The following WDR70 variants were observed in gnomAD, a reference collection of about 807,000 sequenced individuals.
WDR70 encodes the protein WD repeat-containing protein 70.
A neutral mutation model predicts 88.6 loss-of-function variants in WDR70; 53 were observed. That is an observed-to-expected ratio of 0.60 (90% CI 0.48 to 0.75). The LOEUF (loss-of-function observed/expected upper bound fraction) is 0.75. Ranked by LOEUF, WDR70 falls within the 30% of genes least tolerant of loss-of-function variation. The pLI is 0.00. For synonymous variants in WDR70, 280 were observed against 270.0 expected (o/e 1.04, Z -0.36); for missense variants, 610 against 823.2 (o/e 0.74, Z 3.17).
At chr5:37,603,210 G>A (rs1479531713) in intron 9 of WDR70, among the ~76,000 whole-genome samples, 1 of 150,800 alleles carries the variant, frequency 6.6e-6, no homozygotes, top group Non-Finnish European at 1.5e-5. Flanking sequence ...TAAGCAAAAG[G>A]CAAAAAGCTG....
chr5:37,558,363 G>C (rs1355362050), intron 9 of WDR70, among the ~76,000 whole-genome samples: 1 of 151,948 alleles, frequency 6.6e-6, no homozygotes, highest in South Asian at 2.1e-4. Context: ...TGGTTGCCCA[G>C]TCTGGAATGC....
At chr5:37,670,135 C>T (rs778759677) in intron 10 of WDR70, among the ~76,000 whole-genome samples, 8 of 152,036 alleles carry the variant, frequency 5.3e-5, no homozygotes, top group African/African-American at 7.2e-5. Flanking sequence ...ATACTGAAAA[C>T]GTTGAACTAC....
intron 9 of WDR70, among the ~76,000 whole-genome samples, chr5:37,535,512 G>T (rs896923092): frequency 1.3e-5 from 2 of 152,110 alleles, no homozygotes; most frequent in African/African-American, 4.8e-5. Context: ...CCATTGAAGA[G>T]TACTAAATCT....
intron 10 of WDR70, among the ~76,000 whole-genome samples, chr5:37,692,377 A>G (rs537546522): frequency 5.3e-5 from 8 of 152,352 alleles, no homozygotes; most frequent in Admixed American, 4.6e-4. Context: ...TGAGGCCAGC[A>G]TCATCCTAAT....
At chr5:37,653,149 A>G (rs1288896820) in intron 10 of WDR70, among the ~76,000 whole-genome samples, 3 of 152,176 alleles carry the variant, frequency 2.0e-5, no homozygotes, top group Non-Finnish European at 2.9e-5. Flanking sequence ...TTTAGCATGA[A>G]AGGGTGTTGA....
intron 10 of WDR70, among the ~76,000 whole-genome samples, chr5:37,617,210 G>A (rs1008353160): frequency 3.3e-5 from 5 of 152,106 alleles, no homozygotes; most frequent in South Asian, 2.1e-4. Context: ...TTAACAACTC[G>A]CCCAAGGCCA....
chr5:37,504,018 A>G (rs1466645333), intron 8 of WDR70, among the ~76,000 whole-genome samples: 2 of 152,158 alleles, frequency 1.3e-5, no homozygotes, highest in Non-Finnish European at 2.9e-5. Flanking sequence ...TACCAAACAC[A>G]GATTTTCTCT....
At chr5:37,680,914 T>C (rs1207838082) in intron 10 of WDR70, among the ~76,000 whole-genome samples, 1 of 152,086 alleles carries the variant, frequency 6.6e-6, no homozygotes, top group Non-Finnish European at 1.5e-5. Flanking sequence ...TAGTTTTAAA[T>C]GGCTTTAAAT....
intron 7 of WDR70, among the ~76,000 whole-genome samples, chr5:37,476,845 CT>C (rs1403178312): frequency 6.6e-6 from 1 of 151,806 alleles, no homozygotes; most frequent in Non-Finnish European, 1.5e-5. Flanking sequence ...GCCTTTTCTT[CT>C]TTTTTTAAGA....
At chr5:37,645,570 G>A (rs1745209967) in intron 10 of WDR70, among the ~76,000 whole-genome samples, 1 of 152,022 alleles carries the variant, frequency 6.6e-6, no homozygotes, top group African/African-American at 2.4e-5. Flanking sequence ...TGAAAGTGGG[G>A]TTTTGAAGTT....
chr5:37,600,778 T>G (rs1326877811), intron 9 of WDR70, among the ~76,000 whole-genome samples: 1 of 151,074 alleles, frequency 6.6e-6, no homozygotes, highest in Admixed American at 6.7e-5. Flanking sequence ...GCAAAGAAAC[T>G]AAAACTCACA....
At chr5:37,657,580 A>C (rs1186617027) in intron 10 of WDR70, among the ~76,000 whole-genome samples, 7 of 152,212 alleles carry the variant, frequency 4.6e-5, no homozygotes, top group African/African-American at 1.7e-4. Flanking sequence ...TTTGTACATG[A>C]TGATTTGGAG....
rs553322689 is a variant in WDR70 at position 37,536,579 on chromosome 5, G to A, written c.917+19989G>A. On this transcript the variant is annotated intron_variant, in intron 9 of 17. Transcript: ENST00000265107. ...AGATTTTGGAGGATTTTGGATTTTT[G>A]GATTAGGGATACTCAAACCTGTATT... Among the ~76,000 whole-genome samples, 78 of 152,050 alleles carry A rather than the reference G, an allele frequency of 5.1e-4. 2 individuals are homozygous for A. The South Asian group carries it at 0.016, about 31-fold the overall frequency.
intron 10 of WDR70, among the ~76,000 whole-genome samples, chr5:37,687,672 G>A (rs1432223093): frequency 6.6e-6 from 1 of 151,992 alleles, no homozygotes; most frequent in Non-Finnish European, 1.5e-5. Context: ...ATCACCTGTA[G>A]TCAAAATCCC....
At chr5:37,557,951 A>AAGAGTACTCTTTTGAATACTCTTCAAG (rs1742349484) in intron 9 of WDR70, among the ~76,000 whole-genome samples, 1 of 146,936 alleles carries the variant, frequency 6.8e-6, no homozygotes. Flanking sequence ...TACTCTTCAA[A>AAGAGTACTCTTTTGAATACTCTTCAAG]AGAGTATTAT....
At chr5:37,603,499 A>G (rs559104483) in intron 9 of WDR70, among the ~76,000 whole-genome samples, 1 of 152,368 alleles carries the variant, frequency 6.6e-6, no homozygotes, top group East Asian at 1.9e-4. Flanking sequence ...CTGAAACTGT[A>G]AAACGACTAG....
intron 9 of WDR70, among the ~76,000 whole-genome samples, chr5:37,576,410 C>T (rs1041458129): frequency 2.0e-5 from 3 of 152,004 alleles, no homozygotes; most frequent in African/African-American, 4.8e-5. Context: ...CTCAGAGATA[C>T]TTACTTTTCT....
chr5:37,638,083 G>A (rs72740975), intron 10 of WDR70, among the ~76,000 whole-genome samples: 4,683 of 152,164 alleles, frequency 0.031, 114 homozygotes, highest in Middle Eastern at 0.12. Context: ...TATTTTCTGA[G>A]CCTGATTATA....
At chr5:37,624,167 T>C (rs992759548) in intron 10 of WDR70, among the ~76,000 whole-genome samples, 4 of 152,212 alleles carry the variant, frequency 2.6e-5, no homozygotes, top group Non-Finnish European at 4.4e-5. Flanking sequence ...AGCTATAATT[T>C]TGTTTATCTG....
Sources: gnomAD v4.1 joint callset for allele counts (sites outside exome capture counted in the v4.1 genomes callset) on GRCh38, gnomAD v4.1.1 for gene constraint, MANE v1.5 for transcripts, NCBI Gene and HGNC (gene_info 2026-07-23, HGNC 2026-07-21) for gene names.